Variants in DPY19L2 observed in about 807,000 individuals in gnomAD.
The protein encoded by DPY19L2 is dpy-19 like 2.
DPY19L2 carries 34 observed loss-of-function variants against 97.9 expected under a neutral mutation model. The ratio of observed to expected loss-of-function variants is 0.35; its 90% CI spans 0.26 to 0.46. DPY19L2 has a LOEUF of 0.46. Among genes scored for constraint, DPY19L2 ranks in the 20% least tolerant of loss-of-function variants. The probability of loss-of-function intolerance (pLI) is 1.00; values close to 1 mark genes in which losing one functional copy is unlikely to be tolerated. For synonymous variants in DPY19L2, 230 were observed against 307.9 expected (o/e 0.75, Z 2.65); for missense variants, 623 against 911.4 (o/e 0.68, Z 4.07).
At chr12:63,631,424 T>C (rs1890617995) in intron 6 of DPY19L2, among the ~76,000 whole-genome samples, 1 of 152,042 alleles carries the variant, frequency 6.6e-6, no homozygotes, top group Admixed American at 6.6e-5. Context: ...CATCAGAGAA[T>C]ACTATAAACA....
At chr12:63,579,386 A>G (rs1209456157) in intron 19 of DPY19L2, among the ~76,000 whole-genome samples, 10 of 152,192 alleles carry the variant, frequency 6.6e-5, no homozygotes, top group Non-Finnish European at 1.3e-4. Flanking sequence ...ACAAAACTTC[A>G]TACAGCTTTT....
At position 63,560,284 on chromosome 12, in the gene DPY19L2, T is replaced by C. The variant is rs1876218306; in HGVS notation, c.*228A>G. ...CTGAAATGAACATTTGTTTATGCAG[T>C]ATGACATGAATGATTTAATAACTTA... On this transcript the variant is annotated 3_prime_UTR_variant, in exon 22 of 22. Transcript: ENST00000324472. The C allele has an allele frequency of 4.9e-6, 2 of 406,482 alleles. No individual in the cohort carries two copies. The highest frequency in any genetic ancestry group is 1.0e-4 in the South Asian group (2 of 19,466). 25.2% of individuals were successfully genotyped at this position (406,482 alleles called of 1,614,324 possible). A position where few individuals can be genotyped will look rare whatever the true frequency, so the allele number is the denominator to read the frequency against.
chr12:63,668,789 G>C (rs1235014941), upstream of DPY19L2: 3 of 199,722 alleles, frequency 1.5e-5, no homozygotes, highest in East Asian at 1.4e-4. Flanking sequence ...AGCCCCGGAC[G>C]GGCTCCCAGC....
intron 15 of DPY19L2, among the ~76,000 whole-genome samples, chr12:63,594,504 C>T (rs1435798599): frequency 9.5e-5 from 5 of 52,680 alleles, no homozygotes; most frequent in Non-Finnish European, 1.8e-4. Flanking sequence ...TGAAACTTGG[C>T]CGGCTACAGG....
At chr12:63,602,616 T>C (rs1457812960) in intron 12 of DPY19L2, among the ~76,000 whole-genome samples, 1 of 152,060 alleles carries the variant, frequency 6.6e-6, no homozygotes, top group Non-Finnish European at 1.5e-5. Flanking sequence ...TCAGTAGAAC[T>C]ATGAAAAATG....
chr12:63,665,997 T>C, intron 1 of DPY19L2, 138 bp from the exon 2 acceptor site: 1 of 839,430 alleles, frequency 1.2e-6, no homozygotes, highest in Non-Finnish European at 1.8e-6. Flanking sequence ...ATCCTGTCTC[T>C]AAGAGCATAG....
At chr12:63,597,956 A>G (rs550559538) in intron 13 of DPY19L2, 46 bp from the exon 14 acceptor site, 1 of 1,410,312 alleles carries the variant, frequency 7.1e-7, no homozygotes, top group African/African-American at 1.4e-5. Context: ...ACAAGTGATT[A>G]TAGCCTATAG....
intron 9 of DPY19L2, among the ~76,000 whole-genome samples, chr12:63,618,587 A>G (rs909920341): frequency 1.3e-5 from 2 of 152,054 alleles, no homozygotes; most frequent in African/African-American, 4.8e-5. Flanking sequence ...TGGAAGACCA[A>G]CAAGCTGAGC....
intron 12 of DPY19L2, 51 bp from the exon 13 acceptor site, chr12:63,600,437 A>C (rs769200052): frequency 7.4e-7 from 1 of 1,348,642 alleles, no homozygotes; most frequent in Non-Finnish European, 1.1e-6. Context: ...TCACCCAGCT[A>C]AAGTATTCAA....
At chr12:63,630,764 A>C (rs914501188) in intron 6 of DPY19L2, among the ~76,000 whole-genome samples, 17 of 152,128 alleles carry the variant, frequency 1.1e-4, no homozygotes, top group Non-Finnish European at 2.2e-4. Context: ...CAGAATATAC[A>C]TTCTTCTCAG....
chr12:63,668,023 G>A, intron 1 of DPY19L2, 34 bp downstream of exon 1: 1 of 1,583,164 alleles, frequency 6.3e-7, no homozygotes, highest in Non-Finnish European at 8.6e-7. Flanking sequence ...GCGCCATGCG[G>A]CTCCCTCCTA....
At chr12:63,601,425 C>T (rs1164043378) in intron 12 of DPY19L2, among the ~76,000 whole-genome samples, 2 of 152,084 alleles carry the variant, frequency 1.3e-5, no homozygotes, top group Non-Finnish European at 2.9e-5. Context: ...TTACAGCAAC[C>T]TAAATTCAAA....
intron 6 of DPY19L2, among the ~76,000 whole-genome samples, chr12:63,634,005 T>C (rs1397778226): frequency 2.6e-5 from 4 of 151,072 alleles, no homozygotes; most frequent in African/African-American, 4.9e-5. Flanking sequence ...TAGTTGGGAA[T>C]TGAACAATGA....
At chr12:63,648,372 C>T (rs1356939923) in intron 4 of DPY19L2, among the ~76,000 whole-genome samples, 1 of 151,262 alleles carries the variant, frequency 6.6e-6, no homozygotes, top group East Asian at 1.9e-4. Flanking sequence ...AAATGTGGCT[C>T]TACCCATACC....
chr12:63,656,073 C>T (rs578074522), intron 4 of DPY19L2, among the ~76,000 whole-genome samples: 12 of 152,124 alleles, frequency 7.9e-5, no homozygotes, highest in East Asian at 1.9e-4. Flanking sequence ...GCTTCCTGAC[C>T]GCTTCAGGAA....
At chr12:63,619,748 A>G (rs1034190227) in intron 9 of DPY19L2, among the ~76,000 whole-genome samples, 1 of 151,560 alleles carries the variant, frequency 6.6e-6, no homozygotes, top group Non-Finnish European at 1.5e-5. Flanking sequence ...CAAGTGATCC[A>G]CCCGCCTCAG....
At chr12:63,581,080 A>G (rs1233390114) in intron 18 of DPY19L2, among the ~76,000 whole-genome samples, 1 of 152,180 alleles carries the variant, frequency 6.6e-6, no homozygotes, top group Non-Finnish European at 1.5e-5. Context: ...TGATCCTTCT[A>G]GTACTAATTT....
intron 4 of DPY19L2, among the ~76,000 whole-genome samples, chr12:63,652,504 A>G (rs1894393891): frequency 6.6e-6 from 1 of 152,192 alleles, no homozygotes; most frequent in Non-Finnish European, 1.5e-5. Context: ...TCACAATAGC[A>G]AAGACATGGA....
At chr12:63,614,942 G>C (rs1365149605) in intron 11 of DPY19L2, among the ~76,000 whole-genome samples, 1 of 152,048 alleles carries the variant, frequency 6.6e-6, no homozygotes, top group Non-Finnish European at 1.5e-5. Flanking sequence ...AAGGCAACGA[G>C]GGTGCCTTGC....
Sources: allele counts gnomAD v4.1 joint callset (sites outside exome capture counted in the v4.1 genomes callset), GRCh38; gene constraint gnomAD v4.1.1; transcripts MANE v1.5; gene names NCBI Gene and HGNC (gene_info 2026-07-23, HGNC 2026-07-21).